The following DNAAF4 variants were observed in gnomAD, a reference collection of about 807,000 sequenced individuals.
DNAAF4 encodes the protein dynein axonemal assembly factor 4, also known as dynein assembly factor 4, axonemal.
DNAAF4 carries 43 observed loss-of-function variants against 51.8 expected under a neutral mutation model. The observed-to-expected ratio is 0.83, with a 90% CI of 0.65 to 1.07. DNAAF4 has a LOEUF of 1.07. Ranked by LOEUF, DNAAF4 falls within the 50% of genes least tolerant of loss-of-function variation. The probability of loss-of-function intolerance (pLI) is 0.00; values close to 1 mark genes in which losing one functional copy is unlikely to be tolerated. For synonymous variants in DNAAF4, 194 were observed against 165.6 expected, an observed-to-expected ratio of 1.17 and a Z score of -1.32; for missense variants, 581 against 493.0, an observed-to-expected ratio of 1.18 and a Z score of -1.69.
In DNAAF4 at chr15:55,432,582, T is replaced by C. The variant is rs777839033; in HGVS notation, c.1068A>G (p.Pro356=). The C allele has an allele frequency of 5.6e-6, 9 of 1,611,602 alleles. No individual in the cohort carries two copies. The African/African-American group carries it at 1.1e-4, about 19-fold the overall frequency. ...DSSKALELLM[P]PVTDNANARM... is the part of the protein sequence containing the mutation. ...TTGCATTAGCATTGTCTGTAACAGG[T>C]GGCATCAATAATTCCAGTGCCTTAC... Residue 356 remains proline, a synonymous_variant, in exon 9 of 10, where the codon CCA becomes CCG. Transcript: ENST00000321149.
chr15:55,442,948 C>T, intron 6 of DNAAF4: 2 of 1,611,336 alleles, frequency 1.2e-6, no homozygotes, highest in Non-Finnish European at 8.5e-7. Flanking sequence ...TTGAAATAAG[C>T]AAACCATCCT....
intron 5 of DNAAF4, among the ~76,000 whole-genome samples, chr15:55,455,168 A>G (rs1480865739): frequency 2.0e-5 from 3 of 149,664 alleles, no homozygotes; most frequent in Non-Finnish European, 4.4e-5. Context: ...AGACCTAGAC[A>G]GTTTTAGGGG....
intron 4 of DNAAF4, among the ~76,000 whole-genome samples, chr15:55,469,493 T>TC (rs2058220215): frequency 8.5e-6 from 1 of 117,366 alleles, no homozygotes; most frequent in South Asian, 3.3e-4. Context: ...TTTTTTTTTT[T>TC]TTTTTTTGAG....
rs200856356 is a variant in DNAAF4 at position 55,430,729 on chromosome 15, C to G, written c.1204G>C (p.Val402Leu). ...ALKIDPSNKIVQIDAEKIRNV... is the reference protein window; with the variant it reads ...ALKIDPSNKILQIDAEKIRNV... The stretch of plus-strand genomic sequence containing the variant: ...CGAATCTTCTCAGCATCAATTTGTA[C>G]AATTTTGTTGGATGGATCAATCTTA... Residue 402 changes from valine (V) to leucine (L), a missense_variant, in exon 10 of 10, where the codon GTA (valine) becomes CTA (leucine). Coordinates refer to ENST00000321149, the MANE Select transcript of DNAAF4 (RefSeq NM_130810.4). The G allele has an allele frequency of 1.4e-5, 22 of 1,613,282 alleles. No individual in the cohort carries two copies. The highest frequency in any genetic ancestry group is 1.9e-5 in the Non-Finnish European group (22 of 1,179,592).
chr15:55,486,226 CTT>C (rs2058487211), intron 4 of DNAAF4, among the ~76,000 whole-genome samples: 1 of 147,474 alleles, frequency 6.8e-6, no homozygotes, highest in Non-Finnish European at 1.5e-5. Context: ...AAGTTTCACT[CTT>C]TGTTACCCAG....
downstream of DNAAF4, among the ~76,000 whole-genome samples, chr15:55,426,901 T>G (rs1211220435): frequency 6.6e-6 from 1 of 152,220 alleles, no homozygotes; most frequent in East Asian, 1.9e-4. Context: ...TTCTTGTTCC[T>G]GCTTCAGCTA....
At chr15:55,418,683 A>G (rs540387685) in intron 7 of DNAAF4, 4 of 733,674 alleles carry the variant, frequency 5.5e-6, no homozygotes, top group Middle Eastern at 3.9e-4. Context: ...AATTTTTAAA[A>G]TAAGTTAAAT....
chr15:55,457,044 G>T (rs1313545842), intron 5 of DNAAF4, among the ~76,000 whole-genome samples: 1 of 152,180 alleles, frequency 6.6e-6, no homozygotes, highest in African/African-American at 2.4e-5. Context: ...GGCAGAGGGG[G>T]CAAATGGGAA....
chr15:55,433,867 T>A lies in DNAAF4; in HGVS notation c.1047+1038A>T, dbSNP rs565636353. Among the ~76,000 whole-genome samples the A allele has an allele frequency of 3.2e-3, 160 of 49,886 alleles. 1 individual carries two copies. The highest frequency in any genetic ancestry group is 0.012 in the African/African-American group (144 of 12,436). 32.7% of individuals were successfully genotyped at this position (49,886 alleles called of 152,430 possible). ...ATATTATATATATTATAATATATAT[T>A]ATATATATTACATATATTATATATA... On this transcript the variant is annotated intron_variant, in intron 8 of 9. Transcript: ENST00000321149.
At chr15:55,506,534 C>A (rs1211736472) in intron 1 of DNAAF4, among the ~76,000 whole-genome samples, 3 of 152,136 alleles carry the variant, frequency 2.0e-5, no homozygotes, top group Non-Finnish European at 4.4e-5. Context: ...AAAAGTGTCT[C>A]CAGACATTGC....
At chr15:55,466,049 T>A (rs563398110) in intron 5 of DNAAF4, among the ~76,000 whole-genome samples, 6 of 152,196 alleles carry the variant, frequency 3.9e-5, no homozygotes, top group African/African-American at 1.4e-4. Flanking sequence ...AAAGAACTTA[T>A]ACATGTAACC....
chr15:55,473,200 T>TATAA lies in DNAAF4; in HGVS notation c.406-6040_406-6039insTTAT, dbSNP rs1567023292. Among the ~76,000 whole-genome samples the TATAA allele has an allele frequency of 2.5e-3, 59 of 23,456 alleles. 4 individuals carry two copies. In the East Asian group the frequency reaches 0.095, roughly 38 times the overall value. 15.4% of individuals were successfully genotyped at this position (23,456 alleles called of 152,430 possible). ...AAAAAAAAAACCTAAAAAAAAAAAA[T>TATAA]ATATATATATATATATATATATGTG... On this transcript the variant is annotated intron_variant, in intron 4 of 9. Transcript: ENST00000321149.
intron 5 of DNAAF4, among the ~76,000 whole-genome samples, chr15:55,459,710 C>CTTT (rs368607025): frequency 1.4e-5 from 2 of 146,020 alleles, no homozygotes; most frequent in African/African-American, 5.1e-5. Flanking sequence ...TTCTTTCTTT[C>CTTT]TTTTTTTTTT....
intron 1 of DNAAF4, among the ~76,000 whole-genome samples, chr15:55,507,090 A>T (rs891321859): frequency 1.3e-5 from 2 of 152,100 alleles, no homozygotes; most frequent in Non-Finnish European, 2.9e-5. Flanking sequence ...ACCTCAGGTG[A>T]TCCGTTCACT....
In DNAAF4 at chr15:55,421,087, G is replaced by T. The variant is rs185801533; in HGVS notation, c.1048-2954C>A. ...TGCCTATAGTCCCAGCTACTTAGGA[G>T]GCTGCGGCAGGAGAATCGCTTGAAC... On this transcript the variant is annotated intron_variant, in intron 7 of 7. Transcript: ENST00000448430. Among the ~76,000 whole-genome samples the T allele has an allele frequency of 1.2e-3, 178 of 151,658 alleles. 1 individual carries two copies. The highest frequency in any genetic ancestry group is 3.4e-3 in the Middle Eastern group (1 of 294).
chr15:55,471,506 A>G (rs1026874268), intron 4 of DNAAF4, among the ~76,000 whole-genome samples: 3 of 151,486 alleles, frequency 2.0e-5, no homozygotes, highest in Non-Finnish European at 2.9e-5. Context: ...AGATGGACAA[A>G]TGTTAAACTT....
chr15:55,439,639 C>A, intron 6 of DNAAF4, 58 bp from the exon 7 acceptor site: 2 of 1,461,304 alleles, frequency 1.4e-6, no homozygotes, highest in South Asian at 1.2e-5. Context: ...ATTAACATTT[C>A]CTTTTAGATT....
At chr15:55,442,752 A>G (rs752029540) in intron 6 of DNAAF4, 15 of 1,587,980 alleles carry the variant, frequency 9.4e-6, no homozygotes, top group South Asian at 2.2e-5. Flanking sequence ...CTTCAACTTT[A>G]TCAAGTTGGC....
chr15:55,420,569 T>C (rs1052574173), intron 7 of DNAAF4, among the ~76,000 whole-genome samples: 1 of 152,226 alleles, frequency 6.6e-6, no homozygotes, highest in African/African-American at 2.4e-5. Context: ...GCTCAAACTC[T>C]GCAGACTCAT....
Sources: gnomAD v4.1 joint callset for allele counts (sites outside exome capture counted in the v4.1 genomes callset) on GRCh38, gnomAD v4.1.1 for gene constraint, MANE v1.5 for transcripts, NCBI Gene and HGNC (gene_info 2026-07-23, HGNC 2026-07-21) for gene names.